FBXL20: variants seen among roughly 807,000 people sequenced by gnomAD.
FBXL20 encodes the protein F-box/LRR-repeat protein 20.
FBXL20 carries 11 observed loss-of-function variants against 64.0 expected under a neutral mutation model. That is an observed-to-expected ratio of 0.17 (90% CI 0.11 to 0.28). The LOEUF is 0.28. Ranked by LOEUF, FBXL20 falls within the 10% of genes least tolerant of loss-of-function variation. The pLI is 1.00. For synonymous variants in FBXL20, 184 were observed against 189.0 expected (o/e 0.97, Z 0.22); for missense variants, 303 against 526.2 (o/e 0.58, Z 4.15).
chr17:39,261,192 G>T lies in FBXL20; in HGVS notation c.*268C>A. On this transcript the variant is annotated 3_prime_UTR_variant, in exon 15 of 15. Transcript: ENST00000264658. ...CTATCTTGGCCTATGATTTTCTTAT[G>T]GGCACCTCAACAGGAATGGTTAAAT... The T allele has an allele frequency of 2.9e-6, 1 of 345,824 alleles. No homozygotes were observed. The highest frequency in any genetic ancestry group is 3.0e-5 in the South Asian group (1 of 32,944). The allele number at this position is 345,824 out of a possible 1,614,324, so 21.4% of individuals were successfully genotyped here. A position where few individuals can be genotyped will look rare whatever the true frequency, so the allele number is the denominator to read the frequency against.
intron 7 of FBXL20, among the ~76,000 whole-genome samples, chr17:39,284,850 A>T (rs1486037432): frequency 1.3e-5 from 2 of 152,214 alleles, no homozygotes; most frequent in African/African-American, 4.8e-5. Flanking sequence ...AAAGCTCAGA[A>T]AGGTTGTGTT....
chr17:39,342,397 C>G lies in FBXL20; in HGVS notation c.104+783G>C, dbSNP rs1381360300. 5.4e-5 allele frequency among the ~76,000 whole-genome samples: 8 copies of G among 149,218 alleles called. No homozygotes were observed. In the Admixed American group the frequency reaches 5.4e-4, roughly 10 times the overall value. On this transcript the variant is annotated intron_variant, in intron 2 of 14. Transcript: ENST00000264658. Reference sequence around the variant, plus strand: ...TCTGGGCAACACAGTGAGACCACCTCTCTCTACATAAAATTGAAAAAAAAA... The same window carrying G: ...TCTGGGCAACACAGTGAGACCACCTGTCTCTACATAAAATTGAAAAAAAAA...
chr17:39,367,890 A>T (rs867578029), intron 1 of FBXL20, among the ~76,000 whole-genome samples: 2 of 151,712 alleles, frequency 1.3e-5, no homozygotes, highest in African/African-American at 4.8e-5. Flanking sequence ...CAGGCTCCGG[A>T]GTAGCTGGAA....
At chr17:39,307,647 C>T (rs765642266) in intron 2 of FBXL20, among the ~76,000 whole-genome samples, 6 of 152,022 alleles carry the variant, frequency 3.9e-5, no homozygotes, top group Admixed American at 2.0e-4. Context: ...GGATATTGAA[C>T]AAACTTCTGT....
At chr17:39,386,024 CAAAAAAAAAAA>C (rs35967171) in intron 1 of FBXL20, among the ~76,000 whole-genome samples, 2 of 39,614 alleles carry the variant, frequency 5.0e-5, no homozygotes, top group Admixed American at 3.2e-4. Flanking sequence ...GATTCCGTCT[CAAAAAAAAAAA>C]AAAAAAAAAA....
intron 10 of FBXL20, among the ~76,000 whole-genome samples, chr17:39,272,870 C>G (rs1352087483): frequency 1.3e-5 from 2 of 152,074 alleles, no homozygotes; most frequent in Non-Finnish European, 2.9e-5. Context: ...GGAGATGGAG[C>G]TGAAGACTCC....
intron 2 of FBXL20, among the ~76,000 whole-genome samples, chr17:39,337,177 G>A (rs1269838107): frequency 5.3e-5 from 8 of 152,290 alleles, no homozygotes; most frequent in Admixed American, 2.0e-4. Flanking sequence ...TGGTGGAGAC[G>A]GGGTTTCGCT....
chr17:39,389,801 G>A (rs1319477721), intron 1 of FBXL20, among the ~76,000 whole-genome samples: 1 of 152,192 alleles, frequency 6.6e-6, no homozygotes, highest in Non-Finnish European at 1.5e-5. Context: ...CTAGGTGACA[G>A]AGTGAGACTC....
At position 39,365,861 on chromosome 17, in the gene FBXL20, T is replaced by G. The variant is rs372638809; in HGVS notation, c.43-22620A>C. ...AGTTATGAAGTGAAAGGAAAGAAACTAAAATTCAAAGTGACAATATTATTT... is the reference window on the plus strand; with the variant it reads ...AGTTATGAAGTGAAAGGAAAGAAACGAAAATTCAAAGTGACAATATTATTT... On this transcript the variant is annotated intron_variant, in intron 1 of 14. Coordinates refer to ENST00000264658, the MANE Select transcript of FBXL20 (RefSeq NM_032875.3). Among the ~76,000 whole-genome samples, 121 of 152,258 alleles carry G rather than the reference T, an allele frequency of 7.9e-4. 1 individual carries two copies. The highest frequency in any genetic ancestry group is 2.8e-3 in the African/African-American group (118 of 41,562).
intron 2 of FBXL20, among the ~76,000 whole-genome samples, chr17:39,318,439 A>G (rs2047317925): frequency 6.6e-6 from 1 of 152,094 alleles, no homozygotes; most frequent in African/African-American, 2.4e-5. Context: ...ACATTTTACC[A>G]CAATTAAAAA....
At chr17:39,292,592 G>A (rs2047049389) in intron 6 of FBXL20, among the ~76,000 whole-genome samples, 1 of 151,402 alleles carries the variant, frequency 6.6e-6, no homozygotes, top group Admixed American at 6.6e-5. Flanking sequence ...TTATTGTTCA[G>A]TTCTATTTCA....
chr17:39,376,370 A>C (rs1306869268), intron 1 of FBXL20, among the ~76,000 whole-genome samples: 1 of 152,194 alleles, frequency 6.6e-6, no homozygotes, highest in African/African-American at 2.4e-5. Flanking sequence ...CAGATAATAA[A>C]CTAACCAAAA....
chr17:39,370,517 T>C (rs542873078), intron 1 of FBXL20, among the ~76,000 whole-genome samples: 1 of 146,972 alleles, frequency 6.8e-6, no homozygotes, highest in Admixed American at 6.8e-5. Context: ...CCGGGCGCGG[T>C]GGCTCACGCC....
chr17:39,381,452 C>T (rs887389835), intron 1 of FBXL20, among the ~76,000 whole-genome samples: 8 of 148,064 alleles, frequency 5.4e-5, no homozygotes, highest in South Asian at 2.1e-4. Context: ...TGCACTCCAG[C>T]CTGGGTAATA....
rs2046769863 is a variant in FBXL20 at position 39,263,928 on chromosome 17, T to C, written c.1203+247A>G. ...AATGTTATTAAGCCCTAGACATTAT[T>C]AGACAGACTCTGCTGGGAGGAGACC... On this transcript the variant is annotated intron_variant, in intron 14 of 14. Transcript: ENST00000264658. 6.8e-6 allele frequency: 3 copies of C among 443,898 alleles called. No homozygotes were observed. The East Asian group carries it at 1.1e-4, about 16-fold the overall frequency. The allele number at this position is 443,898 out of a possible 1,614,324, so 27.5% of individuals were successfully genotyped here.
At chr17:39,263,296 C>T (rs1286810753) in intron 14 of FBXL20, among the ~76,000 whole-genome samples, 2 of 152,226 alleles carry the variant, frequency 1.3e-5, no homozygotes, top group African/African-American at 4.8e-5. Context: ...AGGCAGATCG[C>T]TTGAGCTCAG....
intron 2 of FBXL20, among the ~76,000 whole-genome samples, chr17:39,335,374 C>T (rs2047510389): frequency 6.6e-6 from 1 of 151,924 alleles, no homozygotes; most frequent in Non-Finnish European, 1.5e-5. Context: ...TCCTCAACCC[C>T]TCCGGTCTCT....
At chr17:39,290,261 G>A (rs1417537171) in intron 6 of FBXL20, among the ~76,000 whole-genome samples, 1 of 151,872 alleles carries the variant, frequency 6.6e-6, no homozygotes, top group Non-Finnish European at 1.5e-5. Flanking sequence ...TTTTTGCAAA[G>A]TAGTCATGTA....
At chr17:39,349,041 C>T (rs1355047261) in intron 1 of FBXL20, among the ~76,000 whole-genome samples, 1 of 151,782 alleles carries the variant, frequency 6.6e-6, no homozygotes, top group Admixed American at 6.6e-5. Context: ...CACTTGAGGT[C>T]ATGAGTTTGA....
Sources: gnomAD v4.1 joint callset for allele counts (sites outside exome capture counted in the v4.1 genomes callset) on GRCh38, gnomAD v4.1.1 for gene constraint, MANE v1.5 for transcripts, NCBI Gene and HGNC (gene_info 2026-07-23, HGNC 2026-07-21) for gene names.